The following INTU variants were observed in gnomAD, a reference collection of about 807,000 sequenced individuals.
INTU encodes the protein inturned planar cell polarity protein.
INTU carries 68 observed loss-of-function variants against 100.5 expected under a neutral mutation model. The observed-to-expected ratio is 0.68, with a 90% CI of 0.56 to 0.83. The LOEUF (loss-of-function observed/expected upper bound fraction) is 0.83, where lower values mean the gene tolerates loss of function less well. INTU is among the 40% of genes least tolerant of loss of function. The pLI is 0.00. For synonymous variants in INTU, 357 were observed against 395.7 expected, an observed-to-expected ratio of 0.90 and a Z score of 1.16; for missense variants, 1,071 against 1,114.7, an observed-to-expected ratio of 0.96 and a Z score of 0.56.
At chr4:127,655,892 C>T (rs1172455512) in intron 2 of INTU, among the ~76,000 whole-genome samples, 4 of 152,334 alleles carry the variant, frequency 2.6e-5, no homozygotes, top group African/African-American at 9.6e-5. Context: ...GGGCGTAGGA[C>T]CCTCCGAGCC....
chr4:127,716,362 G>A lies in INTU; in HGVS notation c.2755G>A (p.Val919Ile). Residue 919 changes from valine (V) to isoleucine (I), a missense_variant, in exon 16 of 16, where the codon GTC becomes ATC. Transcript: ENST00000335251. The stretch of plus-strand genomic sequence containing the variant: ...TCATCCAAAACCTCAAGAACTTTAT[G>A]TCTGTTTTCATGACTCAGTCACAGA... The part of the protein sequence containing the change: ...FLHPKPQELY[V>I]CFHDSVTEIA... 1 of 1,586,286 alleles carries A rather than the reference G, an allele frequency of 6.3e-7. No individual in the cohort carries two copies. The highest frequency in any genetic ancestry group is 8.6e-7 in the Non-Finnish European group (1 of 1,166,198).
At chr4:127,647,059 G>A (rs996576271) in intron 2 of INTU, among the ~76,000 whole-genome samples, 2 of 152,080 alleles carry the variant, frequency 1.3e-5, no homozygotes, top group African/African-American at 4.8e-5. Context: ...TAACAAGCAA[G>A]CCTGATTTAT....
At chr4:127,665,658 C>G (rs1728665827) in intron 4 of INTU, among the ~76,000 whole-genome samples, 1 of 152,116 alleles carries the variant, frequency 6.6e-6, no homozygotes, top group South Asian at 2.1e-4. Flanking sequence ...CTCAGTGACT[C>G]CAGCCTTTCT....
chr4:127,707,991 A>G (rs1197183476), intron 12 of INTU, among the ~76,000 whole-genome samples: 1 of 152,172 alleles, frequency 6.6e-6, no homozygotes, highest in African/African-American at 2.4e-5. Context: ...AACCAGATGC[A>G]ATCTCCTCAT....
rs776447456 is a variant in INTU, at chr4:127,717,857, G to A, written c.*1421G>A. 6.6e-6 allele frequency: 1 copy of A among 151,942 alleles called. No homozygotes were observed. The highest frequency in any genetic ancestry group is 1.5e-5 in the Non-Finnish European group (1 of 67,994). 9.4% of individuals were successfully genotyped at this position (151,942 alleles called of 1,614,324 possible). On this transcript the variant is annotated 3_prime_UTR_variant, in exon 16 of 16. Transcript: ENST00000335251. ...CGGTTCTATTTTTTCTTGTAACTTG[G>A]TTTGAGTTCCTTGTAGATCCTGGAT...
chr4:127,687,945 C>A, intron 8 of INTU, 78 bp downstream of exon 8: 1 of 1,013,814 alleles, frequency 9.9e-7, no homozygotes, highest in Non-Finnish European at 1.3e-6. Context: ...TTTTCGTAGA[C>A]TTTTTGTTAT....
At chr4:127,711,653 G>T (rs546621627) in intron 14 of INTU, among the ~76,000 whole-genome samples, 1 of 152,132 alleles carries the variant, frequency 6.6e-6, no homozygotes, top group Non-Finnish European at 1.5e-5. Flanking sequence ...CAGCACATAC[G>T]AGTGCAAACC....
At chr4:127,633,267 C>A in intron 1 of INTU, 87 bp downstream of exon 1, 3 of 1,398,618 alleles carry the variant, frequency 2.1e-6, no homozygotes, top group Non-Finnish European at 3.0e-6. Context: ...AGGGTGTTGG[C>A]GTGGTTGGAA....
intron 15 of INTU, among the ~76,000 whole-genome samples, chr4:127,714,848 T>C (rs1281551796): frequency 6.6e-6 from 1 of 152,024 alleles, no homozygotes; most frequent in Non-Finnish European, 1.5e-5. Context: ...GATAAACATG[T>C]GATGGCTGAG....
Position 127,643,854 on chromosome 4 carries a change from T to C in INTU, c.480T>C (p.Asp160=), listed in dbSNP as rs1481420548. 2 of 1,614,072 alleles carry C rather than the reference T, an allele frequency of 1.2e-6. No homozygotes were observed. Among genetic ancestry groups the C allele is most frequent in the Non-Finnish European group, 1.7e-6 (2 of 1,179,984 alleles). The change falls in exon 2 of 16, where the codon GAT becomes GAC. Residue 160 remains aspartate, a synonymous_variant. Coordinates refer to ENST00000335251, the MANE Select transcript of INTU (RefSeq NM_015693.4). ...TGVIVQQRYK[D]VNVYVNPKKL... ...TCATTGTCCAACAGCGATACAAAGA[T>C]GTGAATGTTTATGTAAACCCCAAAA...
intron 8 of INTU, among the ~76,000 whole-genome samples, chr4:127,691,688 C>T (rs1730134297): frequency 6.6e-6 from 1 of 151,604 alleles, no homozygotes; most frequent in South Asian, 2.1e-4. Context: ...TTTGGTCCAC[C>T]CATCACCCAA....
intron 9 of INTU, among the ~76,000 whole-genome samples, chr4:127,700,360 C>A (rs1315516672): frequency 6.6e-6 from 1 of 152,096 alleles, no homozygotes; most frequent in Non-Finnish European, 1.5e-5. Context: ...AATAAGAACC[C>A]TGTAGAGCTG....
At chr4:127,675,223 G>C (rs1729120482) in intron 6 of INTU, among the ~76,000 whole-genome samples, 1 of 152,090 alleles carries the variant, frequency 6.6e-6, no homozygotes, top group African/African-American at 2.4e-5. Flanking sequence ...ATAGCGTATG[G>C]TCTACAAAAT....
intron 3 of INTU, among the ~76,000 whole-genome samples, chr4:127,657,059 G>A (rs1728263706): frequency 6.6e-6 from 1 of 152,024 alleles, no homozygotes; most frequent in Admixed American, 6.6e-5. Flanking sequence ...TAGTCAGGGA[G>A]TTTTCTGTTC....
chr4:127,694,603 A>C (rs774074742), intron 8 of INTU, among the ~76,000 whole-genome samples: 1 of 152,184 alleles, frequency 6.6e-6, no homozygotes, highest in African/African-American at 2.4e-5. Context: ...ACCCAGTGTC[A>C]TCTAAATTTT....
chr4:127,653,233 C>A, intron 2 of INTU, among the ~76,000 whole-genome samples: 1 of 124,440 alleles, frequency 8.0e-6, no homozygotes. Context: ...CAGTTCTGCT[C>A]TGATTTTAGT....
At position 127,722,403 on chromosome 4, in the gene INTU, G is replaced by C. The variant is rs1315531333; in HGVS notation, c.*5967G>C. On this transcript the variant is annotated 3_prime_UTR_variant, in exon 16 of 16. Coordinates refer to ENST00000335251, the MANE Select transcript of INTU (RefSeq NM_015693.4). ...CTGTATGAAGTGTCTGGAGACTCCT[G>C]TTGGGAGGTCTCAGTCAGAAGGAGC... 6.6e-6 allele frequency: 1 copy of C among 152,276 alleles called. No individual in the cohort carries two copies. The highest frequency in any genetic ancestry group is 6.5e-5 in the Admixed American group (1 of 15,284). 9.4% of individuals were successfully genotyped at this position (152,276 alleles called of 1,614,324 possible). A position where few individuals can be genotyped will look rare whatever the true frequency, so the allele number is the denominator to read the frequency against.
At chr4:127,712,371 T>G (rs1376355314) in intron 14 of INTU, among the ~76,000 whole-genome samples, 1 of 152,208 alleles carries the variant, frequency 6.6e-6, no homozygotes, top group Non-Finnish European at 1.5e-5. Flanking sequence ...ATTTCCCTTT[T>G]TAACATTAAC....
intron 6 of INTU, 144 bp downstream of exon 6, chr4:127,674,357 CCTGTG>C (rs1322696027): frequency 3.2e-6 from 2 of 625,142 alleles, no homozygotes; most frequent in Non-Finnish European, 5.4e-6. Flanking sequence ...AAAATAGTTA[CCTGTG>C]TTCGTTTGGT....
Sources: allele counts gnomAD v4.1 joint callset (sites outside exome capture counted in the v4.1 genomes callset), GRCh38; gene constraint gnomAD v4.1.1; transcripts MANE v1.5; gene names NCBI Gene and HGNC (gene_info 2026-07-23, HGNC 2026-07-21).